SEPTIN6: variants seen among roughly 807,000 people sequenced by gnomAD.
SEPTIN6 encodes the protein septin-6.
In SEPTIN6, 8 loss-of-function variants were observed where a neutral mutation model predicts 33.6. The observed-to-expected ratio is 0.24, with a 90% confidence interval of 0.14 to 0.43. SEPTIN6 has a LOEUF of 0.43. Ranked by LOEUF, SEPTIN6 falls within the 20% of genes least tolerant of loss-of-function variation. The probability of loss-of-function intolerance (pLI) is 1.00; values close to 1 mark genes in which losing one functional copy is unlikely to be tolerated. For missense variants in SEPTIN6, 250 were observed against 340.8 expected, an observed-to-expected ratio of 0.73 and a Z score of 2.10; for synonymous variants, 131 against 140.0, an observed-to-expected ratio of 0.94 and a Z score of 0.45.
intron 5 of SEPTIN6, among the ~76,000 whole-genome samples, chrX:119,645,236 C>CTTTTTT (rs757199588): frequency 8.4e-5 from 6 of 71,170 alleles, no homozygotes; most frequent in Admixed American, 3.3e-4. Context: ...AAGGCCCTAC[C>CTTTTTT]TTTTTTTTTT....
chrX:119,668,474 C>G (rs1361874801), intron 2 of SEPTIN6, among the ~76,000 whole-genome samples: 4 of 112,169 alleles, frequency 3.6e-5, no homozygotes, highest in Non-Finnish European at 7.5e-5. Flanking sequence ...GTAATAACAG[C>G]TATTGTTTAC....
intron 1 of SEPTIN6, among the ~76,000 whole-genome samples, chrX:119,682,815 A>T (rs1308863229): frequency 9.0e-6 from 1 of 111,572 alleles, no homozygotes; most frequent in Non-Finnish European, 1.9e-5. Flanking sequence ...CATCTGTGTC[A>T]ATGGAGAATT....
chrX:119,633,314 A>T (rs1354940120), intron 8 of SEPTIN6, 46 bp downstream of exon 8: 6 of 1,134,787 alleles, frequency 5.3e-6, no homozygotes, highest in Non-Finnish European at 6.0e-6. Context: ...TCTCACCAGC[A>T]GCTGTTGTTT....
chrX:119,618,662 G>A lies in SEPTIN6; in HGVS notation c.*1431C>T. The A allele has an allele frequency of 8.5e-7, 1 of 1,175,536 alleles. No homozygotes were observed. Among genetic ancestry groups the A allele is most frequent in the East Asian group, 3.1e-5 (1 of 32,390 alleles). The stretch of plus-strand genomic sequence containing the variant: ...AAGTACATGGCAGGATAGGGGTGGG[G>A]GGCCTCGCTGCCTGGCACCCCAAAG... On this transcript the variant is annotated 3_prime_UTR_variant, in exon 11 of 11. Coordinates refer to ENST00000394610, the MANE Select transcript of SEPTIN6 (RefSeq NM_145799.4).
chrX:119,666,241 G>T (rs1387545586), intron 2 of SEPTIN6, among the ~76,000 whole-genome samples: 1 of 112,081 alleles, frequency 8.9e-6, no homozygotes, highest in Non-Finnish European at 1.9e-5. Context: ...GGGGGAATGT[G>T]AGCCTCGACT....
chrX:119,639,881 G>GC (rs1319935656), intron 6 of SEPTIN6, among the ~76,000 whole-genome samples: 12 of 110,477 alleles, frequency 1.1e-4, no homozygotes, highest in Non-Finnish European at 1.9e-5. Context: ...TCAGCTCACT[G>GC]CAATCTCTAC....
intron 3 of SEPTIN6, among the ~76,000 whole-genome samples, chrX:119,660,804 G>C (rs1329402775): frequency 1.0e-5 from 1 of 96,289 alleles, no homozygotes; most frequent in Non-Finnish European, 2.0e-5. Flanking sequence ...CAAGGCGGGG[G>C]TGAGCGGGGG....
intron 1 of SEPTIN6, among the ~76,000 whole-genome samples, chrX:119,691,329 G>A (rs1230076144): frequency 8.9e-6 from 1 of 112,025 alleles, no homozygotes. Flanking sequence ...TAGCTGACAT[G>A]AAAAATCATT....
chrX:119,623,306 G>A (rs2053799274), intron 10 of SEPTIN6, among the ~76,000 whole-genome samples: 1 of 111,996 alleles, frequency 8.9e-6, no homozygotes, highest in African/African-American at 3.2e-5. Flanking sequence ...CATTTTGTAG[G>A]TGTGATAATG....
intron 6 of SEPTIN6, 71 bp from the exon 7 acceptor site, chrX:119,637,266 C>T (rs1051774541): frequency 6.0e-6 from 6 of 1,003,246 alleles, no homozygotes; most frequent in Non-Finnish European, 8.4e-6. Context: ...ATGGATGAAA[C>T]GAGAGGCAAA....
At chrX:119,624,015 G>C (rs1454092567) in intron 10 of SEPTIN6, 1 of 324,607 alleles carries the variant, frequency 3.1e-6, no homozygotes, top group South Asian at 2.9e-5. Flanking sequence ...ACAACATCTA[G>C]CACTCAGGAA....
chrX:119,636,938 C>A, intron 7 of SEPTIN6, 89 bp downstream of exon 7: 1 of 1,072,513 alleles, frequency 9.3e-7, no homozygotes, highest in East Asian at 3.1e-5. Flanking sequence ...CTCGCCTCCC[C>A]TGTGAATTCT....
At chrX:119,672,543 G>A (rs1470184221) in intron 2 of SEPTIN6, among the ~76,000 whole-genome samples, 1 of 112,034 alleles carries the variant, frequency 8.9e-6, no homozygotes, top group African/African-American at 3.2e-5. Context: ...CTGGTTGAAA[G>A]GTTGCTTAAG....
chrX:119,663,490 T>C lies in SEPTIN6; in HGVS notation c.333A>G (p.Lys111=), dbSNP rs1451498879. ...STVGFGDQIN[K]EDSYKPIVEF... is the part of the protein sequence containing the mutation. The stretch of plus-strand genomic sequence containing the variant: ...CCCACCGCCTTCTTTACCTGTCCTC[T>C]TTGTTGATCTGGTCCCCAAAGCCAA... The change falls in exon 3 of 11, where the codon AAA becomes AAG. Residue 111 remains lysine, a synonymous_variant. Transcript: ENST00000394610. 1.2e-6 allele frequency: 1 copy of C among 843,630 alleles called. No individual in the cohort carries two copies. The highest frequency in any genetic ancestry group is 1.6e-6 in the Non-Finnish European group (1 of 620,691). 69.5% of individuals were successfully genotyped at this position (843,630 alleles called of 1,213,427 possible).
intron 4 of SEPTIN6, among the ~76,000 whole-genome samples, chrX:119,651,246 G>T (rs2054346231): frequency 8.9e-6 from 1 of 112,066 alleles, no homozygotes; most frequent in Admixed American, 9.5e-5. Flanking sequence ...CTGGGTCAAG[G>T]AAAGACTGAA....
At chrX:119,685,336 G>A (rs1350934148) in intron 1 of SEPTIN6, among the ~76,000 whole-genome samples, 1 of 110,200 alleles carries the variant, frequency 9.1e-6, no homozygotes, top group African/African-American at 3.3e-5. Context: ...AGCATAGATC[G>A]ACCTTCCCTA....
At chrX:119,684,420 C>T (rs1263641712) in intron 1 of SEPTIN6, among the ~76,000 whole-genome samples, 1 of 109,683 alleles carries the variant, frequency 9.1e-6, no homozygotes, top group Non-Finnish European at 1.9e-5. Context: ...GCCTCCAATG[C>T]TGCCAAGGAT....
intron 2 of SEPTIN6, among the ~76,000 whole-genome samples, chrX:119,673,835 C>CT (rs751308022): frequency 0.021 from 1,480 of 69,438 alleles, 41 homozygotes; most frequent in African/African-American, 0.076. Flanking sequence ...GCACAAGACT[C>CT]TGTCTCAAAA....
At chrX:119,657,594 C>T (rs528241629) in intron 3 of SEPTIN6, among the ~76,000 whole-genome samples, 1 of 111,567 alleles carries the variant, frequency 9.0e-6, no homozygotes, top group African/African-American at 3.3e-5. Context: ...CTCACTGTGA[C>T]CTCGAACTCA....
Sources: allele counts gnomAD v4.1 joint callset (sites outside exome capture counted in the v4.1 genomes callset), GRCh38; gene constraint gnomAD v4.1.1; transcripts MANE v1.5; gene names NCBI Gene and HGNC (gene_info 2026-07-23, HGNC 2026-07-21).